Variants in CDKAL1 observed in about 807,000 individuals in gnomAD.
The protein encoded by CDKAL1 is CDKAL1 threonylcarbamoyladenosine tRNA methylthiotransferase, also known as threonylcarbamoyladenosine tRNA methylthiotransferase.
Under a neutral mutation model 68.2 loss-of-function variants are expected in CDKAL1, and 32 were observed. The observed-to-expected ratio is 0.47, with a 90% CI of 0.35 to 0.63. The LOEUF (loss-of-function observed/expected upper bound fraction) is 0.63. Ranked by LOEUF, CDKAL1 falls within the 30% of genes least tolerant of loss-of-function variation. The pLI is 0.00. For missense variants in CDKAL1, 606 were observed against 696.7 expected (o/e 0.87, Z 1.47); for synonymous variants, 234 against 244.3 (o/e 0.96, Z 0.39).
intron 15 of CDKAL1, among the ~76,000 whole-genome samples, chr6:21,222,763 G>C (rs772610077): frequency 6.6e-6 from 1 of 152,052 alleles, no homozygotes; most frequent in Non-Finnish European, 1.5e-5. Context: ...GCAGGGCCCT[G>C]GTAACACCTG....
chr6:20,871,901 TATGTCTCCTTACCTGTGAAC>T (rs1561846583), intron 9 of CDKAL1, among the ~76,000 whole-genome samples: 1 of 152,176 alleles, frequency 6.6e-6, no homozygotes, highest in African/African-American at 2.4e-5. Context: ...AAACAATATA[TATGTCTCCTTACCTGTGAAC>T]AAGGAATGCT....
At chr6:20,811,466 G>A (rs187281685) in intron 8 of CDKAL1, among the ~76,000 whole-genome samples, 2 of 151,736 alleles carry the variant, frequency 1.3e-5, no homozygotes, top group African/African-American at 4.8e-5. Flanking sequence ...TTCTTTCTTC[G>A]TTTTTTGCAG....
intron 12 of CDKAL1, among the ~76,000 whole-genome samples, chr6:21,108,175 A>ATT (rs1261648737): frequency 1.3e-5 from 2 of 151,910 alleles, no homozygotes; most frequent in African/African-American, 4.8e-5. Context: ...TTCTAGGAAG[A>ATT]GGTCACCTGG....
intron 2 of CDKAL1, among the ~76,000 whole-genome samples, chr6:20,540,645 G>A (rs750557817): frequency 1.8e-4 from 27 of 151,884 alleles, no homozygotes; most frequent in Non-Finnish European, 3.1e-4. Flanking sequence ...TAGTAGAGAC[G>A]AGGTGTCACC....
chr6:21,065,374 G>C, intron 12 of CDKAL1, 146 bp downstream of exon 12: 1 of 630,148 alleles, frequency 1.6e-6, no homozygotes, highest in Non-Finnish European at 2.7e-6. Flanking sequence ...CAGGGGCCAG[G>C]GGGCCGTGGA....
intron 9 of CDKAL1, among the ~76,000 whole-genome samples, chr6:20,944,680 A>G (rs115373329): frequency 0.014 from 2,140 of 152,372 alleles, 28 homozygotes; most frequent in Non-Finnish European, 0.022. Context: ...CAGTACGGTC[A>G]GAGTCAACAG....
At chr6:21,087,023 A>G (rs981823813) in intron 12 of CDKAL1, among the ~76,000 whole-genome samples, 3 of 152,186 alleles carry the variant, frequency 2.0e-5, no homozygotes, top group African/African-American at 4.8e-5. Context: ...ATTAATTAGT[A>G]TGATGTTCCT....
intron 10 of CDKAL1, among the ~76,000 whole-genome samples, chr6:20,967,116 C>G (rs982733770): frequency 6.6e-6 from 1 of 152,112 alleles, no homozygotes; most frequent in Non-Finnish European, 1.5e-5. Context: ...GCATTCTTTC[C>G]TCTGCCTCTG....
chr6:20,851,299 A>C (rs1015593065), intron 9 of CDKAL1, among the ~76,000 whole-genome samples: 7 of 152,206 alleles, frequency 4.6e-5, no homozygotes, highest in African/African-American at 1.7e-4. Context: ...AAACATGTCA[A>C]GTGGTGACCA....
chr6:20,932,717 A>T (rs1348462034), intron 9 of CDKAL1, among the ~76,000 whole-genome samples: 2 of 152,144 alleles, frequency 1.3e-5, no homozygotes, highest in Non-Finnish European at 2.9e-5. Context: ...AGAGAATATG[A>T]TTTCCTTGCC....
chr6:20,604,513 C>T (rs886822531), intron 4 of CDKAL1, among the ~76,000 whole-genome samples: 3 of 152,210 alleles, frequency 2.0e-5, no homozygotes, highest in African/African-American at 7.2e-5. Context: ...CTGCCAGCAC[C>T]ACCATCTGTA....
chr6:21,084,326 T>C (rs1772580797), intron 12 of CDKAL1, among the ~76,000 whole-genome samples: 1 of 152,168 alleles, frequency 6.6e-6, no homozygotes, highest in South Asian at 2.1e-4. Context: ...GCAACTAAAG[T>C]TGGAAAGGCA....
chr6:21,164,621 G>GTA (rs1777074135), intron 13 of CDKAL1, among the ~76,000 whole-genome samples: 1 of 152,194 alleles, frequency 6.6e-6, no homozygotes, highest in Non-Finnish European at 1.5e-5. Flanking sequence ...ATGGTCAAGT[G>GTA]TAAACTTAGA....
At chr6:20,924,781 T>G (rs1763110333) in intron 9 of CDKAL1, among the ~76,000 whole-genome samples, 1 of 152,180 alleles carries the variant, frequency 6.6e-6, no homozygotes, top group Non-Finnish European at 1.5e-5. Flanking sequence ...ATGAAGAAAT[T>G]GCAGCAATTA....
intron 11 of CDKAL1, among the ~76,000 whole-genome samples, chr6:21,011,144 C>CA (rs760180872): frequency 1.5e-4 from 22 of 150,002 alleles, no homozygotes; most frequent in Non-Finnish European, 3.2e-4. Context: ...TTTGGGAGGC[C>CA]AAGGCGGGTG....
At chr6:21,061,941 C>G (rs1771159971) in intron 11 of CDKAL1, among the ~76,000 whole-genome samples, 2 of 152,184 alleles carry the variant, frequency 1.3e-5, no homozygotes, top group Admixed American at 1.3e-4. Context: ...TGGCCTGCCT[C>G]CTCCCTTGCT....
chr6:20,740,072 TCCA>T (rs936908457), intron 6 of CDKAL1, among the ~76,000 whole-genome samples: 2 of 152,184 alleles, frequency 1.3e-5, no homozygotes, highest in African/African-American at 4.8e-5. Context: ...CTCCGTGTAG[TCCA>T]CCATAATTAT....
intron 4 of CDKAL1, among the ~76,000 whole-genome samples, chr6:20,569,225 C>G (rs939930198): frequency 2.4e-4 from 36 of 152,170 alleles, no homozygotes; most frequent in Non-Finnish European, 5.0e-4. Flanking sequence ...TTTTGAGACA[C>G]TTTTATGAGC....
At chr6:20,579,094 C>G (rs895241581) in intron 4 of CDKAL1, among the ~76,000 whole-genome samples, 2 of 152,184 alleles carry the variant, frequency 1.3e-5, no homozygotes, top group East Asian at 3.8e-4. Context: ...TCTCCTGGCT[C>G]AGCCTTCCGA....
Sources: allele counts gnomAD v4.1 joint callset (sites outside exome capture counted in the v4.1 genomes callset), GRCh38; gene constraint gnomAD v4.1.1; transcripts MANE v1.5; gene names NCBI Gene and HGNC (gene_info 2026-07-23, HGNC 2026-07-21).